Variants in RNF144A observed in about 807,000 individuals in gnomAD.
The protein encoded by RNF144A is ring finger protein 144A, also known as E3 ubiquitin-protein ligase RNF144A.
In RNF144A, 11 loss-of-function variants were observed where a neutral mutation model predicts 38.7. That is an observed-to-expected ratio of 0.28 (90% CI 0.18 to 0.47). The LOEUF (loss-of-function observed/expected upper bound fraction) is 0.47, where lower values mean the gene tolerates loss of function less well. Among genes scored for constraint, RNF144A ranks in the 20% least tolerant of loss-of-function variants. The pLI is 0.99. For missense variants in RNF144A, 316 were observed against 377.2 expected (o/e 0.84, Z 1.34); for synonymous variants, 149 against 143.9 (o/e 1.04, Z -0.25).
intron 8 of RNF144A, among the ~76,000 whole-genome samples, chr2:7,033,939 G>A (rs1344289080): frequency 2.0e-5 from 3 of 152,286 alleles, no homozygotes; most frequent in South Asian, 2.1e-4. Flanking sequence ...AATGGTCCTC[G>A]TGCCTTCGGC....
intron 2 of RNF144A, among the ~76,000 whole-genome samples, chr2:6,976,944 CT>C (rs1199434111): frequency 6.6e-6 from 1 of 152,096 alleles, no homozygotes; most frequent in African/African-American, 2.4e-5. Context: ...GCACTTGCAG[CT>C]TTTTAATATT....
In RNF144A at chr2:7,041,928, T is replaced by C; in HGVS notation, c.*2168T>C. Reference sequence around the variant, plus strand: ...GTTGGAAGAGTCTCTGGCCCAGTCATGCACATCTGTAGCCCCAGCCATCCT... The same window carrying C: ...GTTGGAAGAGTCTCTGGCCCAGTCACGCACATCTGTAGCCCCAGCCATCCT... On this transcript the variant is annotated 3_prime_UTR_variant, in exon 9 of 9. Transcript: ENST00000320892. The C allele has an allele frequency of 1.0e-6, 1 of 985,430 alleles. No homozygotes were observed. Among genetic ancestry groups the C allele is most frequent in the Non-Finnish European group, 1.2e-6 (1 of 829,938 alleles). The allele number at this position is 985,430 out of a possible 1,614,324, so 61.0% of individuals were successfully genotyped here.
chr2:6,973,822 G>A (rs755752466), intron 2 of RNF144A, among the ~76,000 whole-genome samples: 17 of 152,208 alleles, frequency 1.1e-4, no homozygotes, highest in South Asian at 4.1e-4. Context: ...GGCCATGCCC[G>A]TTGGCTTACG....
chr2:6,961,173 G>A (rs1343657544), intron 2 of RNF144A, among the ~76,000 whole-genome samples: 1 of 151,366 alleles, frequency 6.6e-6, no homozygotes, highest in African/African-American at 2.4e-5. Flanking sequence ...CTTTTTTTAA[G>A]TCTGATGTTA....
At chr2:6,968,008 T>C (rs1280655517) in intron 2 of RNF144A, among the ~76,000 whole-genome samples, 3 of 152,038 alleles carry the variant, frequency 2.0e-5, no homozygotes, top group Non-Finnish European at 4.4e-5. Flanking sequence ...GTGTAATGAG[T>C]TGTTGATATC....
rs1356617147 is a variant in RNF144A, at chr2:7,042,624, T to C, written c.*2864T>C. 1 of 985,444 alleles carries C rather than the reference T, an allele frequency of 1.0e-6. No homozygotes were observed. Among genetic ancestry groups the C allele is most frequent in the Non-Finnish European group, 1.2e-6 (1 of 830,032 alleles). The allele number at this position is 985,444 out of a possible 1,614,324, so 61.0% of individuals were successfully genotyped here. On this transcript the variant is annotated 3_prime_UTR_variant, in exon 9 of 9. Coordinates refer to ENST00000320892, the MANE Select transcript of RNF144A (RefSeq NM_014746.6). ...ATTTGGAGGTTTTGCTGGAAATGCC[T>C]GACCTCTCAGTCTGGCTCTGCTGTG... is the stretch of plus-strand genomic sequence containing the variant.
At chr2:7,017,302 G>GT (rs66717194) in intron 5 of RNF144A, among the ~76,000 whole-genome samples, 36,415 of 139,192 alleles carry the variant, frequency 0.26, 6,438 homozygotes, top group East Asian at 0.62. Flanking sequence ...ACCGTGTATT[G>GT]TTTTTTTTTT....
intron 1 of RNF144A, among the ~76,000 whole-genome samples, chr2:6,937,665 G>A (rs1479420626): frequency 2.6e-5 from 4 of 152,168 alleles, no homozygotes; most frequent in African/African-American, 9.7e-5. Flanking sequence ...ACCATTTTCT[G>A]GAATGGATAT....
At chr2:6,990,685 G>C (rs981933569) in intron 2 of RNF144A, among the ~76,000 whole-genome samples, 10 of 151,880 alleles carry the variant, frequency 6.6e-5, no homozygotes, top group African/African-American at 1.9e-4. Context: ...ATTTGCCAGG[G>C]GGGTAAACTT....
chr2:6,990,610 TAGACTTCTAG>T (rs1359867324), intron 2 of RNF144A, among the ~76,000 whole-genome samples: 1 of 150,824 alleles, frequency 6.6e-6, no homozygotes, highest in Non-Finnish European at 1.5e-5. Context: ...CACAGATATA[TAGACTTCTAG>T]ATGTGCTAAA....
chr2:6,995,198 G>A (rs1669643129), intron 2 of RNF144A, among the ~76,000 whole-genome samples: 1 of 152,040 alleles, frequency 6.6e-6, no homozygotes, highest in Non-Finnish European at 1.5e-5. Context: ...CTTGAGAAAG[G>A]GATGATGTAA....
intron 8 of RNF144A, among the ~76,000 whole-genome samples, chr2:7,031,559 C>T (rs1672302953): frequency 6.6e-6 from 1 of 152,220 alleles, no homozygotes; most frequent in Non-Finnish European, 1.5e-5. Context: ...ACATTGGCTG[C>T]TGCTCCCTGC....
intron 3 of RNF144A, 96 bp from the exon 4 acceptor site, chr2:7,014,358 G>A (rs1379979341): frequency 1.2e-6 from 1 of 834,966 alleles, no homozygotes; most frequent in East Asian, 2.4e-5. Flanking sequence ...AAACTGTAAT[G>A]GAATGATGTG....
intron 6 of RNF144A, among the ~76,000 whole-genome samples, chr2:7,059,806 G>C (rs568762942): frequency 2.0e-5 from 3 of 152,218 alleles, no homozygotes; most frequent in African/African-American, 7.2e-5. Flanking sequence ...AGAGGAGAAA[G>C]GGTGAGAGAG....
chr2:6,942,481 G>GATA (rs1351169722), intron 2 of RNF144A, among the ~76,000 whole-genome samples: 1 of 152,252 alleles, frequency 6.6e-6, no homozygotes, highest in East Asian at 1.9e-4. Flanking sequence ...ACACTCTGCA[G>GATA]ATAGCAGTAG....
rs1424147032 is a variant in RNF144A, at chr2:7,043,697, G to A, written c.*3937G>A. On this transcript the variant is annotated 3_prime_UTR_variant, in exon 9 of 9. Transcript: ENST00000320892. ...TAATGCTTCACAACTAGGAGAGCAT[G>A]CCGTCTTGATGTTTAAAAAACCCAG... 1 of 985,748 alleles carries A rather than the reference G, an allele frequency of 1.0e-6. No homozygotes were observed. Among genetic ancestry groups the A allele is most frequent in the African/African-American group, 1.7e-5 (1 of 57,228 alleles). 61.1% of individuals were successfully genotyped at this position (985,748 alleles called of 1,614,324 possible). A position where few individuals can be genotyped will look rare whatever the true frequency, so the allele number is the denominator to read the frequency against.
At chr2:7,029,720 A>G (rs921899917) in intron 7 of RNF144A, among the ~76,000 whole-genome samples, 4 of 152,366 alleles carry the variant, frequency 2.6e-5, no homozygotes, top group African/African-American at 9.6e-5. Flanking sequence ...GTGGAGTCAC[A>G]CACAGCCGGA....
At chr2:6,950,389 G>A (rs1202896672) in intron 2 of RNF144A, among the ~76,000 whole-genome samples, 2 of 152,174 alleles carry the variant, frequency 1.3e-5, no homozygotes, top group African/African-American at 4.8e-5. Flanking sequence ...TTCATGTTGT[G>A]TAATATTTGA....
At chr2:6,950,638 C>T (rs1373199640) in intron 2 of RNF144A, among the ~76,000 whole-genome samples, 3 of 152,158 alleles carry the variant, frequency 2.0e-5, no homozygotes, top group South Asian at 2.1e-4. Context: ...GAAGTGTGAT[C>T]ATACTAATTC....
Sources: gnomAD v4.1 joint callset for allele counts (sites outside exome capture counted in the v4.1 genomes callset) on GRCh38, gnomAD v4.1.1 for gene constraint, MANE v1.5 for transcripts, NCBI Gene and HGNC (gene_info 2026-07-23, HGNC 2026-07-21) for gene names.